The following GRHL2 variants were observed in gnomAD, a reference collection of about 807,000 sequenced individuals.
GRHL2 encodes grainyhead-like protein 2 homolog.
A neutral mutation model predicts 83.8 loss-of-function variants in GRHL2; 21 were observed. The observed-to-expected ratio is 0.25, with a 90% confidence interval of 0.18 to 0.36. The LOEUF is 0.36. Ranked by LOEUF, GRHL2 falls within the 10% of genes least tolerant of loss-of-function variation. The probability of loss-of-function intolerance (pLI) is 1.00; values close to 1 mark genes in which losing one functional copy is unlikely to be tolerated. For synonymous variants in GRHL2, 280 were observed against 278.9 expected (o/e 1.00, Z -0.04); for missense variants, 623 against 781.8 (o/e 0.80, Z 2.42).
intron 1 of GRHL2, among the ~76,000 whole-genome samples, chr8:101,526,439 T>C (rs1229771124): frequency 2.6e-5 from 4 of 152,134 alleles, no homozygotes; most frequent in Non-Finnish European, 5.9e-5. Context: ...AGCAAAAAAT[T>C]ATATCCATTA....
the GRHL2 span, among the ~76,000 whole-genome samples, chr8:101,675,233 G>A: frequency 6.6e-6 from 1 of 152,088 alleles, no homozygotes; most frequent in East Asian, 1.9e-4. Flanking sequence ...AGAAGGAAAT[G>A]AAGGCTATTC....
intron 1 of GRHL2, among the ~76,000 whole-genome samples, chr8:101,526,943 TTTGC>T (rs1586421287): frequency 6.6e-6 from 1 of 152,172 alleles, no homozygotes; most frequent in East Asian, 1.9e-4. Flanking sequence ...TGCTTGTTTG[TTTGC>T]TTGTTTTGTT....
intron 1 of GRHL2, among the ~76,000 whole-genome samples, chr8:101,527,222 A>G (rs1260243738): frequency 2.0e-5 from 3 of 152,206 alleles, no homozygotes; most frequent in African/African-American, 7.2e-5. Flanking sequence ...TCTATATCCT[A>G]TCTTTATCCT....
intron 12 of GRHL2, among the ~76,000 whole-genome samples, chr8:101,641,160 T>A (rs1387927468): frequency 3.3e-5 from 5 of 152,172 alleles, no homozygotes; most frequent in African/African-American, 1.2e-4. Flanking sequence ...AAATGATTTA[T>A]ATTAAACATC....
At chr8:101,649,236 G>A (rs917885313) in intron 13 of GRHL2, among the ~76,000 whole-genome samples, 178 bp from the exon 14 acceptor site, 12 of 152,184 alleles carry the variant, frequency 7.9e-5, no homozygotes, top group African/African-American at 2.7e-4. Flanking sequence ...CTAGCCACAG[G>A]TTGTTTATGG....
intron 14 of GRHL2, among the ~76,000 whole-genome samples, chr8:101,651,144 G>C (rs1026661805): frequency 5.9e-5 from 9 of 152,332 alleles, no homozygotes; most frequent in African/African-American, 2.2e-4. Context: ...CTAGGGGATA[G>C]ACTAAGCTGG....
chr8:101,532,621 G>A (rs1167573855), intron 1 of GRHL2, among the ~76,000 whole-genome samples: 3 of 152,050 alleles, frequency 2.0e-5, no homozygotes, highest in East Asian at 3.9e-4. Flanking sequence ...GTGGTGGCAT[G>A]CACCTGCAAT....
At chr8:101,641,630 A>G (rs1288673950) in intron 12 of GRHL2, among the ~76,000 whole-genome samples, 3 of 152,160 alleles carry the variant, frequency 2.0e-5, no homozygotes, top group African/African-American at 7.2e-5. Flanking sequence ...TGATCCTACA[A>G]GGTAATGGCT....
intron 6 of GRHL2, among the ~76,000 whole-genome samples, chr8:101,576,090 A>T (rs558548869): frequency 6.6e-6 from 1 of 152,386 alleles, no homozygotes; most frequent in African/African-American, 2.4e-5. Flanking sequence ...GGTGAATGGC[A>T]GACACTGTTT....
chr8:101,671,172 G>T (rs1814199966), downstream of GRHL2, among the ~76,000 whole-genome samples: 1 of 152,206 alleles, frequency 6.6e-6, no homozygotes, highest in Non-Finnish European at 1.5e-5. Context: ...GACAGTGGGT[G>T]CAGGACAGTA....
chr8:101,599,310 C>G (rs193253948), intron 8 of GRHL2, among the ~76,000 whole-genome samples, 159 bp downstream of exon 8: 1 of 152,270 alleles, frequency 6.6e-6, no homozygotes, highest in East Asian at 1.9e-4. Flanking sequence ...GGAGTGTGCT[C>G]CTCTGTGGCT....
the GRHL2 span, among the ~76,000 whole-genome samples, chr8:101,680,925 C>T: frequency 8.1e-6 from 1 of 123,832 alleles, no homozygotes; most frequent in Non-Finnish European, 1.7e-5. Context: ...GCATTCAAAG[C>T]AGTGTGTAGA....
In GRHL2 at chr8:101,513,500, C is replaced by CTTTTTTTT. The variant is rs112134650; in HGVS notation, c.20+20714_20+20721dup. ...TATGTGGGTGCAGGCTATCGTTGTGCTTTTTTTTTTGGAGATGGAGTTTTG... is the reference window on the plus strand; with the variant it reads ...TATGTGGGTGCAGGCTATCGTTGTGCTTTTTTTTTTTTTTTTTTGGAGATGGAGTTTTG... On this transcript the variant is annotated intron_variant, in intron 1 of 15. Transcript: ENST00000646743. 4.0e-5 allele frequency among the ~76,000 whole-genome samples: 4 copies of CTTTTTTTT among 100,188 alleles called. 1 individual carries two copies. The highest frequency in any genetic ancestry group is 7.6e-5 in the Non-Finnish European group (4 of 52,792). 65.7% of individuals were successfully genotyped at this position (100,188 alleles called of 152,430 possible). A position where few individuals can be genotyped will look rare whatever the true frequency, so the allele number is the denominator to read the frequency against.
At chr8:101,659,272 G>A (rs1194141185) in intron 14 of GRHL2, among the ~76,000 whole-genome samples, 1 of 152,142 alleles carries the variant, frequency 6.6e-6, no homozygotes, top group African/African-American at 2.4e-5. Flanking sequence ...AAAAGACACA[G>A]GTATTGCTAA....
chr8:101,672,307 A>C (rs1250348761), downstream of GRHL2, among the ~76,000 whole-genome samples: 2 of 151,676 alleles, frequency 1.3e-5, no homozygotes, highest in Non-Finnish European at 2.9e-5. Flanking sequence ...AAACTTTGAA[A>C]AAAAATTAGA....
chr8:101,606,539 A>G (rs1285532805), intron 8 of GRHL2, among the ~76,000 whole-genome samples: 1 of 152,184 alleles, frequency 6.6e-6, no homozygotes, highest in African/African-American at 2.4e-5. Flanking sequence ...AAATGTTCTC[A>G]TCTATATTTG....
intron 12 of GRHL2, 141 bp from the exon 13 acceptor site, chr8:101,643,990 A>C: frequency 1.4e-6 from 1 of 722,908 alleles, no homozygotes; most frequent in Non-Finnish European, 2.5e-6. Flanking sequence ...TGCAAGGGGA[A>C]GAAGGAGGTT....
At chr8:101,648,545 G>A (rs1813558861) in intron 13 of GRHL2, among the ~76,000 whole-genome samples, 1 of 152,144 alleles carries the variant, frequency 6.6e-6, no homozygotes, top group Admixed American at 6.5e-5. Context: ...CTGCGAGGCA[G>A]ATGTTATTAT....
At chr8:101,542,711 C>G in intron 1 of GRHL2, 2 of 456,176 alleles carry the variant, frequency 4.4e-6, no homozygotes, top group Non-Finnish European at 8.8e-6. Context: ...GCTCACAATT[C>G]TGGAGGCCCA....
Sources: gnomAD v4.1 joint callset for allele counts (sites outside exome capture counted in the v4.1 genomes callset) on GRCh38, gnomAD v4.1.1 for gene constraint, MANE v1.5 for transcripts, NCBI Gene and HGNC (gene_info 2026-07-23, HGNC 2026-07-21) for gene names.